Variants in ADGRD1 observed in about 807,000 individuals in gnomAD.
ADGRD1 encodes the protein adhesion G protein-coupled receptor D1.
Under a neutral mutation model 113.4 loss-of-function variants are expected in ADGRD1, and 77 were observed. The observed-to-expected ratio is 0.68, with a 90% CI of 0.57 to 0.82. The LOEUF is 0.82. Ranked by LOEUF, ADGRD1 falls within the 40% of genes least tolerant of loss-of-function variation. ADGRD1 has a pLI of 0.00. For missense variants in ADGRD1, 1,036 were observed against 1,139.1 expected (o/e 0.91, Z 1.30); for synonymous variants, 474 against 475.0 (o/e 1.00, Z 0.03).
intron 2 of ADGRD1, among the ~76,000 whole-genome samples, chr12:130,955,124 T>TTTTTTTTTTTTTC: frequency 4.4e-5 from 1 of 22,876 alleles, no homozygotes; most frequent in Non-Finnish European, 8.8e-5. Flanking sequence ...TACACCCAGC[T>TTTTTTTTTTTTTC]TTTTTTTTTT....
intron 13 of ADGRD1, among the ~76,000 whole-genome samples, chr12:131,058,088 CTT>C (rs1339262295): frequency 2.0e-5 from 3 of 152,178 alleles, no homozygotes; most frequent in African/African-American, 7.2e-5. Flanking sequence ...AGAGGTTACT[CTT>C]TTGTGCTTTT....
In ADGRD1 at chr12:130,954,266, T is replaced by C. The variant is rs974399532; in HGVS notation, c.-200T>C. ...AACGTGTTTATTGATCACTGAAGAA[T>C]CTCAAGTTTTGAGACGAGGAAGAAA... On this transcript the variant is annotated 5_prime_UTR_variant, in exon 1 of 25. Coordinates refer to ENST00000261654, the MANE Select transcript of ADGRD1 (RefSeq NM_198827.5). This position sits in a 1 kb window ranked among gnomAD's most constrained non-coding sequence, Gnocchi z 4.7. 4 of 514,710 alleles carry C rather than the reference T, an allele frequency of 7.8e-6. No individual in the cohort carries two copies. Among genetic ancestry groups the C allele is most frequent in the Non-Finnish European group, 1.4e-5 (4 of 294,916 alleles). The allele number at this position is 514,710 out of a possible 1,614,324, so 31.9% of individuals were successfully genotyped here. A position where few individuals can be genotyped will look rare whatever the true frequency, so the allele number is the denominator to read the frequency against.
At chr12:131,083,576 C>T (rs1193878842) in intron 14 of ADGRD1, among the ~76,000 whole-genome samples, 12 of 152,174 alleles carry the variant, frequency 7.9e-5, no homozygotes, top group Admixed American at 7.2e-4. Flanking sequence ...CACTGTACTC[C>T]AGCCTGCGAA....
chr12:130,955,897 T>C (rs915227840), intron 2 of ADGRD1, among the ~76,000 whole-genome samples: 4 of 152,250 alleles, frequency 2.6e-5, no homozygotes, highest in Admixed American at 6.5e-5. Context: ...CAAGCGATTC[T>C]TGTGCCTCAG....
chr12:131,018,574 C>A (rs1195915), intron 13 of ADGRD1, among the ~76,000 whole-genome samples: 82,694 of 151,808 alleles, frequency 0.54, 23,946 homozygotes, highest in East Asian at 0.77. Context: ...GTATGTTAAA[C>A]AATCCCGCTC....
At position 131,003,083 on chromosome 12, in the gene ADGRD1, G is replaced by T; in HGVS notation, c.1027-102G>T. 1 of 935,402 alleles carries T rather than the reference G, an allele frequency of 1.1e-6. No individual in the cohort carries two copies. The highest frequency in any genetic ancestry group is 1.7e-6 in the Non-Finnish European group (1 of 573,976). The allele number at this position is 935,402 out of a possible 1,614,324, so 57.9% of individuals were successfully genotyped here. ...TTGTGTGACTTCTTCCTCCCTCGTG[G>T]CCAACGTGGGGAAACTTGATTTTGT... On this transcript the variant is annotated intron_variant, in intron 9 of 24. Coordinates refer to ENST00000261654, the MANE Select transcript of ADGRD1 (RefSeq NM_198827.5). The surrounding 1 kb of genome is among the most constrained non-coding windows in gnomAD (Gnocchi z 4.8).
Position 131,141,058 on chromosome 12 carries a change from A to G in ADGRD1, c.*1795A>G, listed in dbSNP as rs912491857. On this transcript the variant is annotated 3_prime_UTR_variant, in exon 25 of 25. Transcript: ENST00000261654. ...TGGACCACAGTGCCAGATCCTCATC[A>G]CGCCGGTGAGCACCTAGAAGTGAGA... is the stretch of plus-strand genomic sequence containing the variant. 4 of 152,250 alleles carry G rather than the reference A, an allele frequency of 2.6e-5. No individual in the cohort carries two copies. The highest frequency in any genetic ancestry group is 2.0e-4 in the Admixed American group (3 of 15,270). 9.4% of individuals were successfully genotyped at this position (152,250 alleles called of 1,614,324 possible).
intron 4 of ADGRD1, among the ~76,000 whole-genome samples, chr12:130,975,963 C>T (rs1485748708): frequency 6.6e-6 from 1 of 152,144 alleles, no homozygotes; most frequent in Non-Finnish European, 1.5e-5. Flanking sequence ...TGAATGTTTC[C>T]TTTGCTTTTT....
chr12:131,085,668 G>A (rs1302724689), intron 15 of ADGRD1, among the ~76,000 whole-genome samples: 2 of 152,180 alleles, frequency 1.3e-5, no homozygotes, highest in African/African-American at 4.8e-5. Context: ...CTCACAGAAG[G>A]GCTGGTTTGG....
chr12:130,959,352 A>C (rs1002055448), intron 2 of ADGRD1, among the ~76,000 whole-genome samples: 1 of 152,152 alleles, frequency 6.6e-6, no homozygotes, highest in Non-Finnish European at 1.5e-5. Flanking sequence ...CAGGAGGATC[A>C]CTTGAGCCCA....
chr12:131,028,780 C>G (rs1880275510), intron 13 of ADGRD1, among the ~76,000 whole-genome samples: 2 of 152,248 alleles, frequency 1.3e-5, no homozygotes, highest in African/African-American at 2.4e-5. Flanking sequence ...CTCTGTCCGT[C>G]ATCCCATTTG....
intron 6 of ADGRD1, 54 bp from the exon 7 acceptor site, chr12:130,990,960 G>A (rs1874300858): frequency 1.2e-5 from 17 of 1,402,204 alleles, no homozygotes; most frequent in East Asian, 1.1e-4. Context: ...GGTCTTCCTC[G>A]TGGTGAAAAA....
rs183505534 is a variant in ADGRD1 at position 130,982,078 on chromosome 12, C to T, written c.490+15C>T. On this transcript the variant is annotated intron_variant, in intron 5 of 24. Coordinates refer to ENST00000261654, the MANE Select transcript of ADGRD1 (RefSeq NM_198827.5). The stretch of plus-strand genomic sequence containing the variant: ...CAGCCCCCCAGGTGAGTGACAGCAT[C>T]GGTCCCGGGAGGCTCTGCCTGGAGG... 445 of 1,609,016 alleles carry T rather than the reference C, an allele frequency of 2.8e-4. 2 individuals carry two copies. In the African/African-American group the frequency reaches 4.7e-3, roughly 17 times the overall value.
intron 13 of ADGRD1, among the ~76,000 whole-genome samples, chr12:131,064,122 G>C (rs927122324): frequency 2.0e-5 from 3 of 152,152 alleles, no homozygotes; most frequent in African/African-American, 7.2e-5. Context: ...CATACCATCT[G>C]CAGATAGGGA....
intron 13 of ADGRD1, among the ~76,000 whole-genome samples, chr12:131,018,691 G>T (rs1878939882): frequency 1.3e-5 from 2 of 152,208 alleles, no homozygotes; most frequent in South Asian, 4.1e-4. Context: ...TACACACAAA[G>T]GGCAAATCAA....
intron 21 of ADGRD1, among the ~76,000 whole-genome samples, chr12:131,132,926 A>T (rs538817015): frequency 5.3e-5 from 8 of 152,318 alleles, no homozygotes; most frequent in Non-Finnish European, 1.2e-4. Flanking sequence ...AGTGGCAAAT[A>T]TGTCAGCAGC....
intron 12 of ADGRD1, among the ~76,000 whole-genome samples, chr12:131,007,988 G>C: frequency 6.6e-6 from 1 of 152,202 alleles, no homozygotes; most frequent in East Asian, 1.9e-4. Context: ...GAAGTGGAGG[G>C]GACAAAGAGT....
At chr12:131,082,395 G>T (rs1484634568) in intron 14 of ADGRD1, among the ~76,000 whole-genome samples, 2 of 152,166 alleles carry the variant, frequency 1.3e-5, no homozygotes, top group East Asian at 3.8e-4. Flanking sequence ...GAGTCCCTGG[G>T]AAGTAGATCT....
chr12:131,010,930 C>A (rs1023736548), intron 12 of ADGRD1, among the ~76,000 whole-genome samples: 1 of 152,164 alleles, frequency 6.6e-6, no homozygotes, highest in Admixed American at 6.5e-5. Flanking sequence ...CCTGGCCCCA[C>A]TATCTGCTCC....
Sources: gnomAD v4.1 joint callset for allele counts (sites outside exome capture counted in the v4.1 genomes callset) on GRCh38, gnomAD v4.1.1 for gene constraint, Gnocchi (gnomAD v3.1) non-coding constraint, MANE v1.5 for transcripts, NCBI Gene and HGNC (gene_info 2026-07-23, HGNC 2026-07-21) for gene names.